The following SLC5A1 variants were observed in gnomAD, a reference collection of about 807,000 sequenced individuals.
The protein encoded by SLC5A1 is solute carrier family 5 member 1.
In SLC5A1, 42 loss-of-function variants were observed where a neutral mutation model predicts 73.5. That is an observed-to-expected ratio of 0.57 (90% CI 0.45 to 0.74). The LOEUF (loss-of-function observed/expected upper bound fraction) is 0.74, where lower values mean the gene tolerates loss of function less well. SLC5A1 is among the 30% of genes least tolerant of loss of function. The pLI, the probability that SLC5A1 is intolerant of heterozygous loss-of-function variation, is 0.00. For synonymous variants in SLC5A1, 300 were observed against 317.4 expected (o/e 0.95, Z 0.58); for missense variants, 634 against 855.4 (o/e 0.74, Z 3.23).
intron 2 of SLC5A1, among the ~76,000 whole-genome samples, chr22:32,056,311 A>G (rs1332973138): frequency 6.6e-6 from 1 of 152,110 alleles, no homozygotes; most frequent in African/African-American, 2.4e-5. Context: ...GTGAGCTACC[A>G]TGCCTGACCA....
chr22:32,084,784 C>T (rs1304247605), intron 8 of SLC5A1, 116 bp from the exon 9 acceptor site: 4 of 1,532,712 alleles, frequency 2.6e-6, no homozygotes, highest in African/African-American at 2.7e-5. Flanking sequence ...TAAGTTGCCA[C>T]GCCCCAGTGA....
chr22:32,099,025 G>A (rs1234475752), intron 11 of SLC5A1, among the ~76,000 whole-genome samples, 158 bp from the exon 12 acceptor site: 1 of 143,494 alleles, frequency 7.0e-6, no homozygotes, highest in Non-Finnish European at 1.5e-5. Flanking sequence ...GGCAGAGCTT[G>A]CAGTGAGCGG....
chr22:32,109,034 G>A (rs2094051389), intron 14 of SLC5A1, among the ~76,000 whole-genome samples: 1 of 152,104 alleles, frequency 6.6e-6, no homozygotes, highest in Admixed American at 6.6e-5. Flanking sequence ...TGGACATGGT[G>A]GCATGCACCT....
At chr22:32,093,372 T>G (rs1282864592) in intron 11 of SLC5A1, among the ~76,000 whole-genome samples, 1 of 152,188 alleles carries the variant, frequency 6.6e-6, no homozygotes, top group Non-Finnish European at 1.5e-5. Context: ...TGAATTGCAT[T>G]GAATTTGTAG....
At chr22:32,106,587 G>C (rs2094046277) in intron 14 of SLC5A1, among the ~76,000 whole-genome samples, 1 of 152,156 alleles carries the variant, frequency 6.6e-6, no homozygotes, top group Non-Finnish European at 1.5e-5. Flanking sequence ...ATCAAGATGA[G>C]GGGATAGAAG....
Position 32,092,070 on chromosome 22 carries a change from A to T in SLC5A1, c.1280+308A>T, listed in dbSNP as rs145896395. Among the ~76,000 whole-genome samples the T allele has an allele frequency of 9.6e-3, 1,466 of 152,200 alleles. 29 individuals are homozygous for T. Among genetic ancestry groups the T allele is most frequent in the African/African-American group, 0.033 (1,389 of 41,538 alleles). On this transcript the variant is annotated intron_variant, in intron 11 of 14. Coordinates refer to ENST00000266088, the MANE Select transcript of SLC5A1 (RefSeq NM_000343.4). ...ACTTGAGCATTATACACTGAACCCA[A>T]TTTGTAATCTTTTATCCCTCGCCCC...
intron 1 of SLC5A1, 57 bp from the exon 2 acceptor site, chr22:32,049,886 G>T (rs975158358): frequency 2.8e-6 from 4 of 1,423,468 alleles, no homozygotes; most frequent in Non-Finnish European, 4.0e-6. Flanking sequence ...ATGTCCTTTT[G>T]GCTGGCAAGG....
chr22:32,092,955 A>C (rs2094020438), intron 11 of SLC5A1, among the ~76,000 whole-genome samples: 1 of 152,194 alleles, frequency 6.6e-6, no homozygotes, highest in African/African-American at 2.4e-5. Flanking sequence ...TAAGTCCTTG[A>C]ATTATCTCAA....
chr22:32,107,069 G>A (rs985325497), intron 14 of SLC5A1, among the ~76,000 whole-genome samples: 1 of 152,128 alleles, frequency 6.6e-6, no homozygotes, highest in Admixed American at 6.5e-5. Flanking sequence ...CTTGATCTTC[G>A]AGTACCTTTC....
intron 2 of SLC5A1, among the ~76,000 whole-genome samples, chr22:32,056,468 G>A (rs1386373019): frequency 1.9e-5 from 2 of 104,424 alleles, no homozygotes; most frequent in Non-Finnish European, 3.6e-5. Flanking sequence ...GCATAAGTAT[G>A]TCCCATGCAA....
intron 2 of SLC5A1, chr22:32,059,331 A>C: frequency 2.0e-6 from 2 of 985,710 alleles, no homozygotes; most frequent in African/African-American, 3.5e-5. Context: ...AGAGGGGAAC[A>C]GACAACACAT....
At chr22:32,098,419 G>A (rs1489706931) in intron 11 of SLC5A1, among the ~76,000 whole-genome samples, 1 of 152,172 alleles carries the variant, frequency 6.6e-6, no homozygotes, top group Non-Finnish European at 1.5e-5. Context: ...CACCTTGCAA[G>A]GTCAGTCCTA....
In SLC5A1 at chr22:32,110,461, T is replaced by A; in HGVS notation, c.*248T>A. The A allele has an allele frequency of 1.8e-6, 1 of 547,330 alleles. No individual in the cohort carries two copies. Among genetic ancestry groups the A allele is most frequent in the South Asian group, 2.0e-5 (1 of 50,300 alleles). 33.9% of individuals were successfully genotyped at this position (547,330 alleles called of 1,614,324 possible). A position where few individuals can be genotyped will look rare whatever the true frequency, so the allele number is the denominator to read the frequency against. On this transcript the variant is annotated 3_prime_UTR_variant, in exon 15 of 15. Transcript: ENST00000266088. Reference sequence around the variant, plus strand: ...CAGAAGGGAAGTCCACTCAGTCACATCCAGAAAAAGGCAGACTAAGAATCA... The same window carrying A: ...CAGAAGGGAAGTCCACTCAGTCACAACCAGAAAAAGGCAGACTAAGAATCA...
chr22:32,096,591 C>T (rs1433810164), intron 11 of SLC5A1, among the ~76,000 whole-genome samples: 1 of 152,202 alleles, frequency 6.6e-6, no homozygotes, highest in African/African-American at 2.4e-5. Context: ...GCACTGTGCA[C>T]ATTTCTTGTT....
intron 2 of SLC5A1, among the ~76,000 whole-genome samples, chr22:32,063,425 T>C (rs2093966929): frequency 6.6e-6 from 1 of 152,188 alleles, no homozygotes; most frequent in Non-Finnish European, 1.5e-5. Context: ...CTTGCAGATG[T>C]TCTAATCACC....
intron 1 of SLC5A1, among the ~76,000 whole-genome samples, chr22:32,044,309 C>A (rs940802084): frequency 5.9e-5 from 9 of 151,990 alleles, no homozygotes; most frequent in Non-Finnish European, 1.3e-4. Context: ...TCTGTCTCTA[C>A]AAAAATAAAA....
intron 2 of SLC5A1, among the ~76,000 whole-genome samples, chr22:32,060,144 T>G (rs150202446): frequency 8.0e-6 from 1 of 125,114 alleles, no homozygotes; most frequent in Non-Finnish European, 1.6e-5. Flanking sequence ...TATATACACA[T>G]ACACACACAC....
At position 32,104,781 on chromosome 22, in the gene SLC5A1, T is replaced by C. The variant is rs33968460; in HGVS notation, c.1666-5T>C. ...TTCTGTTGACCTGTTCTGCCTTCTC[T>C]GCAGCTCTACCGTCTGTGTTGGAGC... is the stretch of plus-strand genomic sequence containing the variant. On this transcript the variant is annotated splice_polypyrimidine_tract_variant and splice_region_variant and intron_variant, in intron 13 of 14. Coordinates refer to ENST00000266088, the MANE Select transcript of SLC5A1 (RefSeq NM_000343.4). 2.1e-3 allele frequency: 3,385 copies of C among 1,613,200 alleles called. 63 individuals carry two copies. In the African/African-American group the frequency reaches 0.035, roughly 17 times the overall value.
At chr22:32,063,632 A>G (rs779163721) in intron 2 of SLC5A1, among the ~76,000 whole-genome samples, 3 of 152,062 alleles carry the variant, frequency 2.0e-5, no homozygotes, top group Middle Eastern at 6.8e-3. Context: ...TTATGATCAG[A>G]GTTGTGCTTT....
Sources: gnomAD v4.1 joint callset for allele counts (sites outside exome capture counted in the v4.1 genomes callset) on GRCh38, gnomAD v4.1.1 for gene constraint, MANE v1.5 for transcripts, NCBI Gene and HGNC (gene_info 2026-07-23, HGNC 2026-07-21) for gene names.